The following XKR5 variants were observed in gnomAD, a reference collection of about 807,000 sequenced individuals.
XKR5 encodes XK related 5.
In XKR5, 46 loss-of-function variants were observed where a neutral mutation model predicts 40.8. The observed-to-expected ratio is 1.13, with a 90% CI of 0.89 to 1.44. The LOEUF (loss-of-function observed/expected upper bound fraction) is 1.44, where lower values mean the gene tolerates loss of function less well. Among genes scored for constraint, XKR5 ranks in the 40% most tolerant of loss-of-function variants. The probability of loss-of-function intolerance (pLI) is 0.00; values close to 1 mark genes in which losing one functional copy is unlikely to be tolerated. For missense variants in XKR5, 1,169 were observed against 844.7 expected (o/e 1.38, Z -4.76); for synonymous variants, 466 against 356.1 (o/e 1.31, Z -3.48).
At position 6,812,199 on chromosome 8, in the gene XKR5, C is replaced by A; in HGVS notation, c.1060G>T (p.Ala354Ser). The A allele has an allele frequency of 6.4e-7, 1 of 1,551,854 alleles. No individual in the cohort carries two copies. The highest frequency in any genetic ancestry group is 1.4e-5 in the African/African-American group (1 of 73,196). The change falls in exon 7 of 7, where the codon GCT (alanine) becomes TCT (serine). Residue 354 changes from alanine to serine, a missense_variant. Transcript: ENST00000618742. ...CCTGAGCTCTCGGTTCTCTTCCCAG[C>A]TAGATCTGTGGCCCGGGGAGAATCT... ...RRDSPRATDLAGKRTESSGSC... is the reference protein window; with the variant it reads ...RRDSPRATDLSGKRTESSGSC...
At chr8:6,827,014 C>T (rs964629064) in intron 2 of XKR5, among the ~76,000 whole-genome samples, 5 of 152,168 alleles carry the variant, frequency 3.3e-5, no homozygotes, top group African/African-American at 1.2e-4. Flanking sequence ...GAGCCTATGC[C>T]AGGCACCTTT....
At chr8:6,832,566 T>C (rs1451788690) in intron 2 of XKR5, 151 bp downstream of exon 2, 1 of 890,612 alleles carries the variant, frequency 1.1e-6, no homozygotes. Flanking sequence ...GGCATGCCAA[T>C]ATCAGAGCAG....
intron 2 of XKR5, among the ~76,000 whole-genome samples, chr8:6,826,415 C>T (rs543328642): frequency 7.9e-5 from 12 of 152,028 alleles, no homozygotes; most frequent in Non-Finnish European, 1.8e-4. Context: ...AGAATACTTC[C>T]AGCAGTAATT....
At chr8:6,816,271 C>A (rs1803954344) in intron 5 of XKR5, among the ~76,000 whole-genome samples, 3 of 152,218 alleles carry the variant, frequency 2.0e-5, no homozygotes, top group Non-Finnish European at 2.9e-5. Context: ...CTCACACTAA[C>A]TGCAGGCACT....
intron 1 of XKR5, 132 bp downstream of exon 1, chr8:6,835,304 G>A: frequency 3.2e-6 from 3 of 936,994 alleles, no homozygotes; most frequent in South Asian, 5.1e-5. Context: ...ACCACCGTGC[G>A]TCACCGGCGC....
At chr8:6,831,691 C>G (rs190959679) in intron 2 of XKR5, among the ~76,000 whole-genome samples, 1 of 152,066 alleles carries the variant, frequency 6.6e-6, no homozygotes, top group African/African-American at 2.4e-5. Flanking sequence ...CAGGGCTTCA[C>G]CGCTCTGATC....
chr8:6,826,725 C>G (rs1273624712), intron 2 of XKR5, among the ~76,000 whole-genome samples: 1 of 152,134 alleles, frequency 6.6e-6, no homozygotes, highest in Non-Finnish European at 1.5e-5. Context: ...CCAGAAGAGA[C>G]TGTGTGAAGA....
chr8:6,829,926 C>T (rs1164104568), intron 2 of XKR5, among the ~76,000 whole-genome samples: 3 of 135,514 alleles, frequency 2.2e-5, no homozygotes, highest in Non-Finnish European at 4.6e-5. Context: ...CAAGTTCCGC[C>T]TAACGGGTTC....
rs1804974497 is a variant in XKR5, at chr8:6,835,498, C to A, written c.-5G>T. 2 of 1,497,766 alleles carry A rather than the reference C, an allele frequency of 1.3e-6. No homozygotes were observed. Among genetic ancestry groups the A allele is most frequent in the Non-Finnish European group, 1.8e-6 (2 of 1,129,924 alleles). 92.8% of individuals were successfully genotyped at this position (1,497,766 alleles called of 1,614,324 possible). A position where few individuals can be genotyped will look rare whatever the true frequency, so the allele number is the denominator to read the frequency against. ...CCCCAGGAGCCTCGCGTGCATCTTC[C>A]GTGCCGACCCCGCAGCCTGCGCCCG... On this transcript the variant is annotated 5_prime_UTR_variant, in exon 1 of 7. Transcript: ENST00000618742.
chr8:6,826,682 G>A (rs542173524), intron 2 of XKR5, among the ~76,000 whole-genome samples: 4 of 152,320 alleles, frequency 2.6e-5, no homozygotes, highest in South Asian at 2.1e-4. Context: ...GAGAGATCTG[G>A]ATGACCAGTT....
At position 6,824,400 on chromosome 8, in the gene XKR5, G is replaced by A. The variant is rs57495062; in HGVS notation, c.428-670C>T. On this transcript the variant is annotated intron_variant, in intron 3 of 6. Transcript: ENST00000618742. ...AACAAGAAGCAACTGAGAGAAACAG[G>A]GAGAGACATAATGAGAATGTGAATG... Among the ~76,000 whole-genome samples the A allele has an allele frequency of 6.2e-4, 94 of 152,186 alleles. No individual in the cohort carries two copies. The East Asian group carries it at 7.7e-3, about 12-fold the overall frequency.
At chr8:6,818,636 T>G (rs563373060) in intron 5 of XKR5, among the ~76,000 whole-genome samples, 2 of 152,364 alleles carry the variant, frequency 1.3e-5, no homozygotes, top group African/African-American at 4.8e-5. Context: ...CCAGTCATAG[T>G]GTCACCTGTG....
At position 6,822,696 on chromosome 8, in the gene XKR5, A is replaced by T. The variant is rs986237313; in HGVS notation, c.638-658T>A. ...TTCTTGCAGAGTATATTCACTGATG[A>T]CCAGAGATGACAGCTCTCCTCGGCA... On this transcript the variant is annotated intron_variant, in intron 4 of 6. Coordinates refer to ENST00000618742, the MANE Select transcript of XKR5 (RefSeq NM_207411.5). Among the ~76,000 whole-genome samples, 3 of 152,214 alleles carry T rather than the reference A, an allele frequency of 2.0e-5. No homozygotes were observed. In the East Asian group the frequency reaches 5.8e-4, roughly 29 times the overall value.
chr8:6,835,397 G>C, intron 1 of XKR5, 39 bp downstream of exon 1: 1 of 1,406,606 alleles, frequency 7.1e-7, no homozygotes, highest in Non-Finnish European at 9.2e-7. Flanking sequence ...GGGGTTAGGG[G>C]CTGCAGGGGT....
chr8:6,811,192 C>T lies in XKR5; in HGVS notation c.*6G>A. The T allele has an allele frequency of 6.5e-7, 1 of 1,532,306 alleles. No homozygotes were observed. Among genetic ancestry groups the T allele is most frequent in the South Asian group, 1.2e-5 (1 of 83,584 alleles). The allele number at this position is 1,532,306 out of a possible 1,614,324, so 94.9% of individuals were successfully genotyped here. A position where few individuals can be genotyped will look rare whatever the true frequency, so the allele number is the denominator to read the frequency against. On this transcript the variant is annotated 3_prime_UTR_variant, in exon 7 of 7. Transcript: ENST00000618742. ...AGCCTGTTGTCTTATCCCACCATGA[C>T]TGTGGTCAGATGAAAAAACTCGGCT...
chr8:6,815,172 G>A (rs184415618), intron 6 of XKR5, among the ~76,000 whole-genome samples: 33 of 152,316 alleles, frequency 2.2e-4, no homozygotes, highest in East Asian at 3.9e-4. Flanking sequence ...GCTGGTGTTC[G>A]CACCTTTCAA....
At position 6,835,451 on chromosome 8, in the gene XKR5, C is replaced by T. The variant is rs754000120; in HGVS notation, c.43G>A (p.Ala15Thr). 1 of 1,497,266 alleles carries T rather than the reference C, an allele frequency of 6.7e-7. No individual in the cohort carries two copies. The highest frequency in any genetic ancestry group is 1.4e-5 in the African/African-American group (1 of 69,156). The allele number at this position is 1,497,266 out of a possible 1,614,324, so 92.7% of individuals were successfully genotyped here. Reference protein sequence around the residue: ...LLGLSALLQAAEQSARLYTVA... With the variant: ...LLGLSALLQATEQSARLYTVA... The stretch of plus-strand genomic sequence containing the variant: ...CCGCACTCACGCGCGCTCTGCTCGG[C>T]CGCCTGCAGCAGGGCCGAGAGCCCC... Residue 15 changes from alanine to threonine, a missense_variant, in exon 1 of 7, where the codon GCC becomes ACC. Ala to Thr is a moderately conservative substitution (Grantham distance 58). Coordinates refer to ENST00000618742, the MANE Select transcript of XKR5 (RefSeq NM_207411.5).
intron 5 of XKR5, among the ~76,000 whole-genome samples, chr8:6,820,753 C>A (rs2117095266): frequency 6.6e-6 from 1 of 152,298 alleles, no homozygotes; most frequent in African/African-American, 2.4e-5. Context: ...ATTGCAAGTC[C>A]TGTGAGCTCT....
intron 4 of XKR5, among the ~76,000 whole-genome samples, chr8:6,823,121 A>C (rs1305296410): frequency 6.6e-6 from 1 of 152,194 alleles, no homozygotes; most frequent in African/African-American, 2.4e-5. Flanking sequence ...CAAGACAGCC[A>C]GCACGCGTTC....
Sources: allele counts gnomAD v4.1 joint callset (sites outside exome capture counted in the v4.1 genomes callset), GRCh38; gene constraint gnomAD v4.1.1; transcripts MANE v1.5; gene names NCBI Gene and HGNC (gene_info 2026-07-23, HGNC 2026-07-21).